Variants in NCEH1 observed in about 807,000 individuals in gnomAD.
NCEH1 encodes the protein neutral cholesterol ester hydrolase 1.
NCEH1 carries 9 observed loss-of-function variants against 25.4 expected under a neutral mutation model. The ratio of observed to expected loss-of-function variants is 0.35; its 90% CI spans 0.21 to 0.62. The LOEUF (loss-of-function observed/expected upper bound fraction) is 0.62. NCEH1 is among the 20% of genes least tolerant of loss of function. The pLI is 0.72. For synonymous variants in NCEH1, 200 were observed against 199.8 expected (o/e 1.00, Z -0.01); for missense variants, 412 against 501.1 (o/e 0.82, Z 1.70).
intron 1 of NCEH1, among the ~76,000 whole-genome samples, chr3:172,671,524 CACACATATAT>C (rs941716665): frequency 2.7e-5 from 4 of 148,572 alleles, no homozygotes; most frequent in Non-Finnish European, 4.5e-5. Flanking sequence ...CACACACACA[CACACATATAT>C]AGATATATAT....
intron 1 of NCEH1, among the ~76,000 whole-genome samples, chr3:172,655,003 G>C (rs1040884549): frequency 3.9e-5 from 6 of 152,226 alleles, no homozygotes; most frequent in African/African-American, 1.4e-4. Context: ...ATGGAACCAA[G>C]CCTAGGAGAG....
chr3:172,710,735 A>G (rs560044045), intron 1 of NCEH1, 112 bp downstream of exon 1: 2 of 1,181,976 alleles, frequency 1.7e-6, no homozygotes, highest in East Asian at 2.6e-5. Context: ...CGACAGCCTC[A>G]ATGCATTAGG....
At chr3:172,675,106 T>C (rs35104042) in intron 1 of NCEH1, among the ~76,000 whole-genome samples, 3 of 152,092 alleles carry the variant, frequency 2.0e-5, no homozygotes, top group African/African-American at 7.2e-5. Flanking sequence ...GATCAGGAGT[T>C]CGAGACCAGC....
At chr3:172,639,079 T>C (rs1278281206) in intron 3 of NCEH1, among the ~76,000 whole-genome samples, 2 of 152,032 alleles carry the variant, frequency 1.3e-5, no homozygotes, top group East Asian at 3.9e-4. Context: ...GGTGCGCGGA[T>C]CACGAGGTCA....
At chr3:172,671,195 G>A (rs1016223150) in intron 1 of NCEH1, among the ~76,000 whole-genome samples, 2 of 152,142 alleles carry the variant, frequency 1.3e-5, no homozygotes, top group Non-Finnish European at 2.9e-5. Flanking sequence ...TGGAGGTTAA[G>A]GGAAACTTTT....
chr3:172,694,890 T>C (rs549281592), intron 1 of NCEH1, among the ~76,000 whole-genome samples: 4 of 152,352 alleles, frequency 2.6e-5, no homozygotes, highest in African/African-American at 9.6e-5. Flanking sequence ...ATCACTGACC[T>C]GCCAACAAAT....
At chr3:172,651,693 A>C (rs969658207) in intron 1 of NCEH1, among the ~76,000 whole-genome samples, 5 of 151,888 alleles carry the variant, frequency 3.3e-5, no homozygotes, top group African/African-American at 1.2e-4. Flanking sequence ...CAAGTAGCTG[A>C]GATTACAGGC....
chr3:172,636,154 T>C (rs1716589985), intron 3 of NCEH1, 67 bp from the exon 4 acceptor site: 1 of 1,039,870 alleles, frequency 9.6e-7, no homozygotes, highest in Admixed American at 2.0e-5. Flanking sequence ...AAAGTTTAGA[T>C]GGAAACTGGT....
intron 1 of NCEH1, among the ~76,000 whole-genome samples, chr3:172,697,403 G>C (rs1224808413): frequency 6.6e-6 from 1 of 152,074 alleles, no homozygotes; most frequent in Non-Finnish European, 1.5e-5. Flanking sequence ...ACCCAAATAA[G>C]CCAAAATGCC....
intron 1 of NCEH1, among the ~76,000 whole-genome samples, chr3:172,679,894 G>A (rs2108519431): frequency 6.6e-6 from 1 of 152,224 alleles, no homozygotes; most frequent in South Asian, 2.1e-4. Flanking sequence ...AGGTGGGAGG[G>A]CCAGGTTTTT....
chr3:172,696,929 C>G (rs928391234), intron 1 of NCEH1, among the ~76,000 whole-genome samples: 4 of 151,872 alleles, frequency 2.6e-5, no homozygotes, highest in Non-Finnish European at 5.9e-5. Context: ...TAATATATAT[C>G]TTTTTTCTTT....
At chr3:172,694,127 C>T (rs1713226182) in intron 1 of NCEH1, among the ~76,000 whole-genome samples, 1 of 152,280 alleles carries the variant, frequency 6.6e-6, no homozygotes, top group Admixed American at 6.5e-5. Flanking sequence ...CTCCTGGGCT[C>T]AAGCAAACTT....
chr3:172,699,188 T>C (rs1713546427), intron 1 of NCEH1, among the ~76,000 whole-genome samples: 1 of 152,016 alleles, frequency 6.6e-6, no homozygotes, highest in South Asian at 2.1e-4. Context: ...GAGTTGGTAT[T>C]GAACGATGCG....
At chr3:172,662,559 C>T (rs972233504) in intron 1 of NCEH1, among the ~76,000 whole-genome samples, 3 of 152,174 alleles carry the variant, frequency 2.0e-5, no homozygotes, top group Non-Finnish European at 4.4e-5. Context: ...CCTCTTTGTA[C>T]CTCTGGTAGA....
intron 1 of NCEH1, among the ~76,000 whole-genome samples, chr3:172,706,499 C>CTTTTT (rs768288361): frequency 6.3e-5 from 8 of 126,452 alleles, no homozygotes; most frequent in Non-Finnish European, 8.3e-5. Context: ...TTACATTTTT[C>CTTTTT]TTTTTTTTTT....
At chr3:172,679,552 G>A (rs751104975) in intron 1 of NCEH1, among the ~76,000 whole-genome samples, 5 of 150,712 alleles carry the variant, frequency 3.3e-5, no homozygotes, top group Non-Finnish European at 7.4e-5. Context: ...TTTGAGTGTT[G>A]CCCACCAGAC....
intron 1 of NCEH1, among the ~76,000 whole-genome samples, chr3:172,672,255 A>G (rs1711678456): frequency 6.6e-6 from 1 of 152,194 alleles, no homozygotes; most frequent in Non-Finnish European, 1.5e-5. Context: ...CATGTTGAGT[A>G]CCGTTTCACC....
At chr3:172,652,617 A>ATAT (rs1717454486) in intron 1 of NCEH1, among the ~76,000 whole-genome samples, 1 of 152,220 alleles carries the variant, frequency 6.6e-6, no homozygotes, top group Non-Finnish European at 1.5e-5. Context: ...AATATAGATC[A>ATAT]AGTTATATTT....
chr3:172,645,133 T>C (rs1165366317), intron 3 of NCEH1, among the ~76,000 whole-genome samples: 2 of 152,196 alleles, frequency 1.3e-5, no homozygotes, highest in Non-Finnish European at 2.9e-5. Context: ...AAGTGGCTTA[T>C]ACAGAACTGA....
Sources: gnomAD v4.1 joint callset for allele counts (sites outside exome capture counted in the v4.1 genomes callset) on GRCh38, gnomAD v4.1.1 for gene constraint, MANE v1.5 for transcripts, NCBI Gene and HGNC (gene_info 2026-07-23, HGNC 2026-07-21) for gene names.